CTNNA3: variants seen among roughly 807,000 people sequenced by gnomAD.
CTNNA3 encodes the protein catenin alpha-3.
A neutral mutation model predicts 95.7 loss-of-function variants in CTNNA3; 76 were observed. The observed-to-expected ratio is 0.79, with a 90% CI of 0.66 to 0.96. The LOEUF is 0.96. Ranked by LOEUF, CTNNA3 falls within the 40% of genes least tolerant of loss-of-function variation. CTNNA3 has a pLI of 0.00. For missense variants in CTNNA3, 1,191 were observed against 1,089.8 expected (o/e 1.09, Z -1.31); for synonymous variants, 431 against 374.4 (o/e 1.15, Z -1.74).
At chr10:66,971,537 A>G (rs1849725011) in intron 7 of CTNNA3, among the ~76,000 whole-genome samples, 1 of 152,190 alleles carries the variant, frequency 6.6e-6, no homozygotes, top group Admixed American at 6.5e-5. Context: ...GCCAGTTTTC[A>G]TCTTCTTTAA....
intron 1 of CTNNA3, among the ~76,000 whole-genome samples, chr10:67,748,223 G>T (rs997962412): frequency 1.3e-5 from 2 of 152,036 alleles, no homozygotes; most frequent in African/African-American, 2.4e-5. Context: ...TAGCAAAACA[G>T]GCCAACATTC....
chr10:66,506,708 A>G (rs895513942), intron 11 of CTNNA3, among the ~76,000 whole-genome samples: 1 of 152,120 alleles, frequency 6.6e-6, no homozygotes, highest in African/African-American at 2.4e-5. Context: ...CTTGCACATA[A>G]TAGATACTCA....
intron 13 of CTNNA3, among the ~76,000 whole-genome samples, chr10:66,234,274 A>AAT (rs1564794849): frequency 6.6e-6 from 1 of 152,156 alleles, no homozygotes; most frequent in Non-Finnish European, 1.5e-5. Flanking sequence ...ATAATCCAAA[A>AAT]ATATATATAT....
At chr10:67,555,379 T>A (rs530411728) in intron 3 of CTNNA3, among the ~76,000 whole-genome samples, 1 of 152,276 alleles carries the variant, frequency 6.6e-6, no homozygotes, top group South Asian at 2.1e-4. Flanking sequence ...ATTCTTCCTA[T>A]CCATGAGCAT....
chr10:67,560,881 G>C (rs933159897), intron 3 of CTNNA3, among the ~76,000 whole-genome samples: 3 of 152,046 alleles, frequency 2.0e-5, no homozygotes, highest in Admixed American at 6.6e-5. Flanking sequence ...AAGATCAAAA[G>C]AGACAAAGAA....
chr10:66,305,603 C>T (rs191604468), intron 12 of CTNNA3, among the ~76,000 whole-genome samples: 3 of 152,084 alleles, frequency 2.0e-5, no homozygotes, highest in African/African-American at 7.2e-5. Context: ...TTTCTAGGTG[C>T]TTTCATGGTG....
chr10:67,533,556 A>G (rs1037532856), intron 4 of CTNNA3, among the ~76,000 whole-genome samples: 2 of 152,118 alleles, frequency 1.3e-5, no homozygotes, highest in Non-Finnish European at 1.5e-5. Context: ...TCTGTCCCCT[A>G]TTACCTTTCA....
chr10:66,746,102 GC>G (rs1302982698), intron 9 of CTNNA3, among the ~76,000 whole-genome samples: 2 of 152,100 alleles, frequency 1.3e-5, no homozygotes, highest in Non-Finnish European at 2.9e-5. Context: ...AAAAAGAAAT[GC>G]AAACTAGAAG....
At chr10:66,133,199 C>G (rs1400470750) in intron 13 of CTNNA3, among the ~76,000 whole-genome samples, 1 of 152,102 alleles carries the variant, frequency 6.6e-6, no homozygotes, top group Non-Finnish European at 1.5e-5. Flanking sequence ...CTACAAGATA[C>G]TTTTCTGGAA....
chr10:67,130,716 CG>C (rs1859955506), intron 7 of CTNNA3, among the ~76,000 whole-genome samples: 1 of 151,784 alleles, frequency 6.6e-6, no homozygotes, highest in Admixed American at 6.6e-5. Context: ...GGAACTAGAA[CG>C]GTTTATAATC....
chr10:67,020,545 C>A (rs1237204885), intron 7 of CTNNA3, among the ~76,000 whole-genome samples: 7 of 152,206 alleles, frequency 4.6e-5, no homozygotes, highest in Middle Eastern at 3.4e-3. Context: ...TGAACTCAAA[C>A]CATTCAACAA....
intron 9 of CTNNA3, among the ~76,000 whole-genome samples, chr10:66,755,021 T>C (rs956635458): frequency 3.3e-5 from 5 of 152,106 alleles, no homozygotes; most frequent in Non-Finnish European, 7.4e-5. Context: ...TACATGTTCA[T>C]CAGAATTATT....
chr10:67,250,507 G>A (rs559578625), intron 5 of CTNNA3, among the ~76,000 whole-genome samples: 231 of 151,100 alleles, frequency 1.5e-3, no homozygotes, highest in Non-Finnish European at 2.4e-3. Context: ...GAGCCACCGC[G>A]CCCGGCCACA....
chr10:67,435,931 T>C (rs575517836), intron 5 of CTNNA3, among the ~76,000 whole-genome samples: 2 of 152,098 alleles, frequency 1.3e-5, no homozygotes, highest in South Asian at 4.2e-4. Context: ...GCAATCCCTA[T>C]CAAAATACCA....
chr10:66,096,946 C>T (rs1000669684), intron 14 of CTNNA3, among the ~76,000 whole-genome samples: 1 of 152,134 alleles, frequency 6.6e-6, no homozygotes, highest in African/African-American at 2.4e-5. Context: ...AGTGCAGAGC[C>T]AGGCATTTTA....
chr10:67,109,839 T>C (rs867412713), intron 7 of CTNNA3, among the ~76,000 whole-genome samples: 10 of 152,220 alleles, frequency 6.6e-5, no homozygotes, highest in Middle Eastern at 3.4e-3. Flanking sequence ...AGAGACTCAA[T>C]CTCAAAAAGA....
chr10:67,737,322 C>G (rs1371926949), intron 1 of CTNNA3, among the ~76,000 whole-genome samples: 1 of 151,740 alleles, frequency 6.6e-6, no homozygotes. Flanking sequence ...ATACAACATA[C>G]CAAAAGATAC....
intron 13 of CTNNA3, among the ~76,000 whole-genome samples, chr10:66,236,691 A>G (rs893715215): frequency 2.0e-5 from 3 of 152,220 alleles, no homozygotes; most frequent in African/African-American, 7.2e-5. Context: ...AAAAATACAC[A>G]GGAGATACAA....
intron 9 of CTNNA3, among the ~76,000 whole-genome samples, chr10:66,630,296 G>T (rs1845086789): frequency 2.0e-5 from 3 of 152,088 alleles, no homozygotes; most frequent in Admixed American, 6.6e-5. Flanking sequence ...AAAGAGGAAT[G>T]AAATTTTTCC....
Sources: allele counts gnomAD v4.1 joint callset (sites outside exome capture counted in the v4.1 genomes callset), GRCh38; gene constraint gnomAD v4.1.1; transcripts MANE v1.5; gene names NCBI Gene and HGNC (gene_info 2026-07-23, HGNC 2026-07-21).